Variants in OR2M4 observed in about 807,000 individuals in gnomAD.
OR2M4 encodes olfactory receptor 2M4.
OR2M4 carries 8 observed loss-of-function variants against 13.7 expected under a neutral mutation model. The observed-to-expected ratio is 0.58, with a 90% CI of 0.34 to 1.05. The LOEUF (loss-of-function observed/expected upper bound fraction) is 1.05, where lower values mean the gene tolerates loss of function less well. Ranked by LOEUF, OR2M4 falls within the 50% of genes least tolerant of loss-of-function variation. The probability of loss-of-function intolerance (pLI) is 0.02; values close to 1 mark genes in which losing one functional copy is unlikely to be tolerated. For missense variants in OR2M4, 374 were observed against 381.6 expected, an observed-to-expected ratio of 0.98 and a Z score of 0.17; for synonymous variants, 152 against 141.3, an observed-to-expected ratio of 1.08 and a Z score of -0.53.
At chr1:248,234,501 C>G (rs529704904) in intron 1 of OR2M4, among the ~76,000 whole-genome samples, 2 of 152,212 alleles carry the variant, frequency 1.3e-5, no homozygotes, top group African/African-American at 4.8e-5. Context: ...ACCGCTGTGT[C>G]CATGTGTTTC....
At chr1:248,236,361 A>G (rs774060225) in intron 1 of OR2M4, among the ~76,000 whole-genome samples, 1 of 152,190 alleles carries the variant, frequency 6.6e-6, no homozygotes, top group Non-Finnish European at 1.5e-5. Flanking sequence ...CTTTGAAACC[A>G]ATGAGAACAA....
At chr1:248,237,287 T>C (rs893318308) in intron 1 of OR2M4, among the ~76,000 whole-genome samples, 2 of 152,062 alleles carry the variant, frequency 1.3e-5, no homozygotes, top group Admixed American at 1.3e-4. Flanking sequence ...AAACAACCAA[T>C]GACAACAACC....
chr1:248,239,923 A>T lies in OR2M4; in HGVS notation c.*59A>T. 1 of 993,082 alleles carries T rather than the reference A, an allele frequency of 1.0e-6. No homozygotes were observed. The highest frequency in any genetic ancestry group is 1.5e-6 in the Non-Finnish European group (1 of 680,634). 61.5% of individuals were successfully genotyped at this position (993,082 alleles called of 1,614,324 possible). A position where few individuals can be genotyped will look rare whatever the true frequency, so the allele number is the denominator to read the frequency against. Reference sequence around the variant, plus strand: ...TCAACACTCATTCAAAAAAACTGGAATCTCTTAAATTATTCTATTTCTATT... The same window carrying T: ...TCAACACTCATTCAAAAAAACTGGATTCTCTTAAATTATTCTATTTCTATT... On this transcript the variant is annotated 3_prime_UTR_variant, in exon 2 of 2. Coordinates refer to ENST00000641868, the MANE Select transcript of OR2M4 (RefSeq NM_017504.2).
At position 248,240,018 on chromosome 1, in the gene OR2M4, A is replaced by G. The variant is rs1666602251; in HGVS notation, c.*154A>G. ...CTATTCAGTATATTATTACATATAC[A>G]TCGTTTGTATACTAAGCTAGATTTG... On this transcript the variant is annotated 3_prime_UTR_variant, in exon 2 of 2. Coordinates refer to ENST00000641868, the MANE Select transcript of OR2M4 (RefSeq NM_017504.2). The G allele has an allele frequency of 3.6e-6, 2 of 549,082 alleles. No individual in the cohort carries two copies. Among genetic ancestry groups the G allele is most frequent in the East Asian group, 3.0e-5 (1 of 33,284 alleles). 34.0% of individuals were successfully genotyped at this position (549,082 alleles called of 1,614,324 possible). A position where few individuals can be genotyped will look rare whatever the true frequency, so the allele number is the denominator to read the frequency against.
chr1:248,238,385 T>C (rs1245092332), intron 1 of OR2M4, among the ~76,000 whole-genome samples: 1 of 152,060 alleles, frequency 6.6e-6, no homozygotes, highest in East Asian at 1.9e-4. Flanking sequence ...TGAACTGAAG[T>C]GTACAGGTGT....
In OR2M4 at chr1:248,240,852, T is replaced by G. The variant is rs1389334178; in HGVS notation, c.*988T>G. On this transcript the variant is annotated 3_prime_UTR_variant, in exon 2 of 2. Coordinates refer to ENST00000641868, the MANE Select transcript of OR2M4 (RefSeq NM_017504.2). ...AGAAAGAACACAGCAATTGTGAGGC[T>G]TTGAGCTCAGTGCTGTCCTGTAAGA... 1 of 152,196 alleles carries G rather than the reference T, an allele frequency of 6.6e-6. No individual in the cohort carries two copies. Among genetic ancestry groups the G allele is most frequent in the Admixed American group, 6.5e-5 (1 of 15,268 alleles). The allele number at this position is 152,196 out of a possible 1,614,324, so 9.4% of individuals were successfully genotyped here. A position where few individuals can be genotyped will look rare whatever the true frequency, so the allele number is the denominator to read the frequency against.
rs1405411977 is a variant in OR2M4, at chr1:248,239,392, A to G, written c.464A>G (p.Asp155Gly). The G allele has an allele frequency of 6.2e-7, 1 of 1,613,966 alleles. No individual in the cohort carries two copies. Among genetic ancestry groups the G allele is most frequent in the African/African-American group, 1.3e-5 (1 of 74,930 alleles). Reference sequence around the variant, plus strand: ...GCTTCCTGGACCTTGGGGTCTCTTGATGGGATCATAGTGCTTGCAGCTGTC... The same window carrying G: ...GCTTCCTGGACCTTGGGGTCTCTTGGTGGGATCATAGTGCTTGCAGCTGTC... ...TVASWTLGSL[D>G]GIIVLAAVLS... Residue 155 changes from aspartate (D) to glycine (G), a missense_variant, in exon 2 of 2, where the codon GAT becomes GGT. Transcript: ENST00000641868.
At chr1:248,236,571 C>T (rs1178782341) in intron 1 of OR2M4, among the ~76,000 whole-genome samples, 1 of 151,108 alleles carries the variant, frequency 6.6e-6, no homozygotes, top group Non-Finnish European at 1.5e-5. Flanking sequence ...CAGAGTGACA[C>T]TGAAGGAGAT....
At position 248,239,247 on chromosome 1, in the gene OR2M4, C is replaced by A. The variant is rs1387301523; in HGVS notation, c.319C>A (p.Leu107Met). Reference protein sequence around the residue: ...CGTQIFFYVSLLGAECFLLAV... With the variant: ...CGTQIFFYVSMLGAECFLLAV... ...AACTCAGATATTCTTCTATGTGTCC[C>A]TGCTTGGAGCTGAATGTTTCTTGTT... Residue 107 changes from leucine (L) to methionine (M), a missense_variant, in exon 2 of 2, where the codon CTG becomes ATG. Physicochemically the swap from Leu to Met is conservative, Grantham distance 15 (BLOSUM62 2). Coordinates refer to ENST00000641868, the MANE Select transcript of OR2M4 (RefSeq NM_017504.2). 6.2e-7 allele frequency: 1 copy of A among 1,613,952 alleles called. No individual in the cohort carries two copies. The highest frequency in any genetic ancestry group is 1.3e-5 in the African/African-American group (1 of 74,864).
chr1:248,239,489 A>G lies in OR2M4; in HGVS notation c.561A>G (p.Leu187=). The stretch of plus-strand genomic sequence containing the variant: ...GTGATGTTGCTGCCCTTTTACCTCT[A>G]TCCTGCACAGAAACATCTGCATTTG... ...FFCDVAALLP[L]SCTETSAFER... Residue 187 remains leucine, a synonymous_variant, in exon 2 of 2, where the codon CTA becomes CTG. Coordinates refer to ENST00000641868, the MANE Select transcript of OR2M4 (RefSeq NM_017504.2). 5 of 1,613,892 alleles carry G rather than the reference A, an allele frequency of 3.1e-6. No individual in the cohort carries two copies. The highest frequency in any genetic ancestry group is 4.2e-6 in the Non-Finnish European group (5 of 1,179,952).
At chr1:248,236,522 A>C (rs1040698876) in intron 1 of OR2M4, among the ~76,000 whole-genome samples, 5 of 152,156 alleles carry the variant, frequency 3.3e-5, no homozygotes, top group African/African-American at 1.2e-4. Context: ...ATGAGCAAAC[A>C]AATCCAAAGG....
chr1:248,239,792 CATTT>C lies in OR2M4; in HGVS notation c.867_870del (p.Tyr290AlafsTer15). On this transcript the variant is annotated frameshift_variant, in exon 2 of 2. Transcript: ENST00000641868. LOFTEE classifies it high-confidence loss of function. Reference sequence around the variant, plus strand: ...TTCTCACCCCTATGCTGAACCCTCTCATTTATAGCCTCCGCAACAAAGAAGTGTT... The same window carrying C: ...TTCTCACCCCTATGCTGAACCCTCTCATAGCCTCCGCAACAAAGAAGTGTT... 6.2e-7 allele frequency: 1 copy of C among 1,614,080 alleles called. No homozygotes were observed. The highest frequency in any genetic ancestry group is 8.5e-7 in the Non-Finnish European group (1 of 1,180,004).
At position 248,231,441 on chromosome 1, in the gene OR2M4, C is replaced by T. The variant is rs1371602544; in HGVS notation, c.-159C>T. On this transcript the variant is annotated 5_prime_UTR_variant, in exon 1 of 2. Coordinates refer to ENST00000641868, the MANE Select transcript of OR2M4 (RefSeq NM_017504.2). ...CCTTCGGACAAGTGGGTCATTTGGA[C>T]TACTGGAGTTGCTGCTTTTGAATCT... The T allele has an allele frequency of 6.6e-6, 1 of 152,154 alleles. No individual in the cohort carries two copies. The highest frequency in any genetic ancestry group is 1.5e-5 in the Non-Finnish European group (1 of 68,054). 9.4% of individuals were successfully genotyped at this position (152,154 alleles called of 1,614,324 possible).
intron 1 of OR2M4, among the ~76,000 whole-genome samples, chr1:248,238,003 A>G (rs924821337): frequency 6.6e-6 from 1 of 152,206 alleles, no homozygotes; most frequent in Non-Finnish European, 1.5e-5. Context: ...AAAAATACAA[A>G]GGTTTTTGAA....
At chr1:248,236,215 C>T (rs1027909144) in intron 1 of OR2M4, among the ~76,000 whole-genome samples, 8 of 152,138 alleles carry the variant, frequency 5.3e-5, no homozygotes, top group Admixed American at 5.2e-4. Context: ...AACAGTCTCT[C>T]AGACCAAAGC....
Position 248,238,895 on chromosome 1 carries a change from C to A in OR2M4, c.-19-15C>A. 6.9e-7 allele frequency: 1 copy of A among 1,448,346 alleles called. No individual in the cohort carries two copies. Among genetic ancestry groups the A allele is most frequent in the Non-Finnish European group, 9.4e-7 (1 of 1,059,744 alleles). 89.7% of individuals were successfully genotyped at this position (1,448,346 alleles called of 1,614,324 possible). ...GAATTGATAAATAAGCTTGTACCTT[C>A]TTTGGAATTCTCAGATAAGGCAAAT... On this transcript the variant is annotated splice_polypyrimidine_tract_variant and intron_variant, in intron 1 of 1. Coordinates refer to ENST00000641868, the MANE Select transcript of OR2M4 (RefSeq NM_017504.2).
chr1:248,236,569 C>A (rs1236731038), intron 1 of OR2M4, among the ~76,000 whole-genome samples: 2 of 151,132 alleles, frequency 1.3e-5, no homozygotes, highest in Non-Finnish European at 2.9e-5. Flanking sequence ...ATCAGAGTGA[C>A]ACTGAAGGAG....
rs1445352093 is a variant in OR2M4 at position 248,240,184 on chromosome 1, G to C, written c.*320G>C. On this transcript the variant is annotated 3_prime_UTR_variant, in exon 2 of 2. Coordinates refer to ENST00000641868, the MANE Select transcript of OR2M4 (RefSeq NM_017504.2). ...GGTCTTAGCTGTATCAAAAAGCAAA[G>C]GTTGGAGTTGATCCTCTGTTTTTGG... 4 of 177,296 alleles carry C rather than the reference G, an allele frequency of 2.3e-5. No individual in the cohort carries two copies. Among genetic ancestry groups the C allele is most frequent in the Non-Finnish European group, 4.7e-5 (4 of 85,310 alleles). The allele number at this position is 177,296 out of a possible 1,614,324, so 11.0% of individuals were successfully genotyped here.
chr1:248,239,154 A>G lies in OR2M4; in HGVS notation c.226A>G (p.Thr76Ala), dbSNP rs1346811921. Residue 76 changes from threonine to alanine, a missense_variant, in exon 2 of 2, where the codon ACC becomes GCC. Physicochemically the swap from Thr to Ala is moderately conservative, Grantham distance 58. Transcript: ENST00000641868. ...LSLMDLMLIC[T>A]TLPKMIFSYL... Reference sequence around the variant, plus strand: ...CCTTATGGACCTCATGCTCATCTGCACCACTCTACCCAAGATGATCTTCAG... The same window carrying G: ...CCTTATGGACCTCATGCTCATCTGCGCCACTCTACCCAAGATGATCTTCAG... 1.2e-6 allele frequency: 2 copies of G among 1,613,980 alleles called. No homozygotes were observed. The highest frequency in any genetic ancestry group is 2.2e-5 in the South Asian group (2 of 91,076).
Sources: allele counts gnomAD v4.1 joint callset (sites outside exome capture counted in the v4.1 genomes callset), GRCh38; gene constraint gnomAD v4.1.1; transcripts MANE v1.5; gene names NCBI Gene and HGNC (gene_info 2026-07-23, HGNC 2026-07-21).